Variants in ALMS1 observed in about 807,000 individuals in gnomAD.
The protein encoded by ALMS1 is ALMS1 centrosome and basal body associated protein.
A neutral mutation model predicts 352.2 loss-of-function variants in ALMS1; 271 were observed. That is an observed-to-expected ratio of 0.77 (90% CI 0.70 to 0.85). The LOEUF (loss-of-function observed/expected upper bound fraction) is 0.85, where lower values mean the gene tolerates loss of function less well. ALMS1 is among the 40% of genes least tolerant of loss of function. ALMS1 has a pLI of 0.00. For missense variants in ALMS1, 5,445 were observed against 4,870.7 expected (o/e 1.12, Z -3.51); for synonymous variants, 1,865 against 1,761.2 (o/e 1.06, Z -1.48).
intron 10 of ALMS1, among the ~76,000 whole-genome samples, chr2:73,502,657 C>T (rs1673240979): frequency 6.6e-6 from 1 of 152,068 alleles, no homozygotes; most frequent in African/African-American, 2.4e-5. Context: ...TATGATCATA[C>T]ATGTTTTCTC....
intron 4 of ALMS1, 63 bp from the exon 5 acceptor site, chr2:73,424,367 G>A: frequency 9.3e-7 from 1 of 1,074,864 alleles, no homozygotes; most frequent in South Asian, 2.1e-5. Context: ...TTTTGTGTTA[G>A]TACTTAAAAA....
At chr2:73,427,018 T>A (rs911051274) in intron 6 of ALMS1, among the ~76,000 whole-genome samples, 6 of 152,132 alleles carry the variant, frequency 3.9e-5, no homozygotes, top group Non-Finnish European at 5.9e-5. Context: ...ACTGTAAGAC[T>A]TAGTTCTGTG....
intron 12 of ALMS1, among the ~76,000 whole-genome samples, chr2:73,539,011 C>T (rs2104001137): frequency 6.6e-6 from 1 of 152,310 alleles, no homozygotes; most frequent in South Asian, 2.1e-4. Flanking sequence ...TTAAATGTCC[C>T]TGTCTGACAG....
At chr2:73,429,298 T>TTTTTTTTA (rs1671454954) in intron 6 of ALMS1, among the ~76,000 whole-genome samples, 1 of 122,680 alleles carries the variant, frequency 8.2e-6, no homozygotes, top group Non-Finnish European at 1.7e-5. Flanking sequence ...TTTTTTTTTT[T>TTTTTTTTA]GAGGCAGAGT....
intron 1 of ALMS1, among the ~76,000 whole-genome samples, chr2:73,399,234 C>T (rs1480916928): frequency 6.6e-6 from 1 of 152,072 alleles, no homozygotes; most frequent in African/African-American, 2.4e-5. Context: ...CCTTTTATTT[C>T]CTTTTCTTGT....
intron 11 of ALMS1, among the ~76,000 whole-genome samples, chr2:73,526,458 C>T (rs1317267712): frequency 2.0e-5 from 3 of 152,036 alleles, no homozygotes; most frequent in African/African-American, 7.2e-5. Context: ...TTGTCCTCTT[C>T]AATTATCTTC....
At chr2:73,398,581 AC>A (rs1161569660) in intron 1 of ALMS1, among the ~76,000 whole-genome samples, 1 of 152,130 alleles carries the variant, frequency 6.6e-6, no homozygotes, top group Non-Finnish European at 1.5e-5. Context: ...AAGTTGAAAT[AC>A]CTTCTCATTT....
chr2:73,529,016 T>C (rs1673852289), intron 11 of ALMS1, among the ~76,000 whole-genome samples: 1 of 151,790 alleles, frequency 6.6e-6, no homozygotes, highest in African/African-American at 2.4e-5. Flanking sequence ...TCATCTTGAA[T>C]TTCTTTGAGT....
At chr2:73,398,568 A>T (rs577297792) in intron 1 of ALMS1, among the ~76,000 whole-genome samples, 1 of 152,356 alleles carries the variant, frequency 6.6e-6, no homozygotes, top group Admixed American at 6.5e-5. Context: ...TGAGTATTTC[A>T]TGAAGTTGAA....
intron 10 of ALMS1, among the ~76,000 whole-genome samples, chr2:73,499,409 C>G (rs1380156747): frequency 6.6e-6 from 1 of 152,044 alleles, no homozygotes; most frequent in Non-Finnish European, 1.5e-5. Context: ...TGGGGTATTG[C>G]TCAAGAAATT....
intron 9 of ALMS1, among the ~76,000 whole-genome samples, chr2:73,465,809 C>G (rs554320717): frequency 1.6e-4 from 25 of 152,218 alleles, no homozygotes; most frequent in Admixed American, 1.3e-4. Flanking sequence ...ACAACCCCAT[C>G]AAAAAGTGGG....
intron 9 of ALMS1, among the ~76,000 whole-genome samples, chr2:73,461,125 T>G (rs1386062219): frequency 6.6e-6 from 1 of 152,206 alleles, no homozygotes; most frequent in Non-Finnish European, 1.5e-5. Flanking sequence ...GATGTGAGAA[T>G]GGGCAGACTG....
intron 2 of ALMS1, among the ~76,000 whole-genome samples, chr2:73,418,806 TC>T (rs1671229273): frequency 6.6e-6 from 1 of 152,338 alleles, no homozygotes; most frequent in Admixed American, 6.5e-5. Flanking sequence ...CTTTTGTCAG[TC>T]CTTAATATCT....
At chr2:73,395,020 A>T (rs1032912320) in intron 1 of ALMS1, among the ~76,000 whole-genome samples, 1 of 140,900 alleles carries the variant, frequency 7.1e-6, no homozygotes, top group Non-Finnish European at 1.5e-5. Context: ...ATATGTGTAT[A>T]TATATGTGTA....
intron 16 of ALMS1, among the ~76,000 whole-genome samples, chr2:73,596,662 G>A (rs1438681245): frequency 4.0e-5 from 6 of 151,674 alleles, no homozygotes; most frequent in Admixed American, 6.6e-5. Flanking sequence ...AGTAGAGACC[G>A]GGTTTCACCA....
At chr2:73,454,463 C>A (rs1672018725) in intron 8 of ALMS1, 1 of 799,128 alleles carries the variant, frequency 1.3e-6, no homozygotes, top group African/African-American at 1.9e-5. Flanking sequence ...GCAGAAAGAG[C>A]CTCCAATTTG....
At chr2:73,388,025 G>A (rs1216787883) in intron 1 of ALMS1, among the ~76,000 whole-genome samples, 6 of 152,176 alleles carry the variant, frequency 3.9e-5, no homozygotes, top group Admixed American at 6.5e-5. Context: ...TATGGTGGAG[G>A]TGGTGGCTGT....
intron 11 of ALMS1, among the ~76,000 whole-genome samples, chr2:73,530,113 A>C (rs1441242417): frequency 1.3e-5 from 2 of 152,160 alleles, no homozygotes; most frequent in Non-Finnish European, 2.9e-5. Flanking sequence ...TTTAAAAACC[A>C]ATCATGCCTT....
At chr2:73,435,852 A>G (rs1018028946) in intron 7 of ALMS1, among the ~76,000 whole-genome samples, 1 of 152,182 alleles carries the variant, frequency 6.6e-6, no homozygotes, top group Non-Finnish European at 1.5e-5. Flanking sequence ...TTGGCCTCCT[A>G]AAGTGCTGGG....
Sources: gnomAD v4.1 joint callset for allele counts (sites outside exome capture counted in the v4.1 genomes callset) on GRCh38, gnomAD v4.1.1 for gene constraint, MANE v1.5 for transcripts, NCBI Gene and HGNC (gene_info 2026-07-23, HGNC 2026-07-21) for gene names.